LTK: variants seen among roughly 807,000 people sequenced by gnomAD.
The protein encoded by LTK is leukocyte tyrosine kinase receptor.
In LTK, 117 loss-of-function variants were observed where a neutral mutation model predicts 101.5. That is an observed-to-expected ratio of 1.15 (90% confidence interval 0.99 to 1.34). The LOEUF (loss-of-function observed/expected upper bound fraction) is 1.34, where lower values mean the gene tolerates loss of function less well. Ranked by LOEUF, LTK falls within the 40% of genes most tolerant of loss-of-function variation. LTK has a pLI of 0.00. For missense variants in LTK, 1,252 were observed against 1,164.7 expected (o/e 1.07, Z -1.09); for synonymous variants, 563 against 494.2 (o/e 1.14, Z -1.85).
intron 7 of LTK, among the ~76,000 whole-genome samples, chr15:41,509,977 A>G (rs998530307): frequency 2.0e-5 from 3 of 152,216 alleles, no homozygotes; most frequent in Non-Finnish European, 4.4e-5. Flanking sequence ...TTCTGTGGTA[A>G]GAACACCTAT....
intron 7 of LTK, among the ~76,000 whole-genome samples, chr15:41,510,822 T>C (rs922915851): frequency 6.6e-6 from 1 of 152,196 alleles, no homozygotes; most frequent in African/African-American, 2.4e-5. Flanking sequence ...GACCACACTT[T>C]GAGAACCACT....
Position 41,508,296 on chromosome 15 carries a change from C to A in LTK, c.1097-75G>T, listed in dbSNP as rs2051350814. On this transcript the variant is annotated intron_variant, in intron 8 of 19. Coordinates refer to ENST00000263800, the MANE Select transcript of LTK (RefSeq NM_002344.6). ...GTAAATACATGCCTTTGGCTGGGTA[C>A]AGTGGCACACGCCTATAATCATTGC... is the stretch of plus-strand genomic sequence containing the variant. The A allele has an allele frequency of 3.1e-6, 4 of 1,298,930 alleles. No homozygotes were observed. In the Admixed American group the frequency reaches 6.0e-5, roughly 20 times the overall value. 80.5% of individuals were successfully genotyped at this position (1,298,930 alleles called of 1,614,324 possible).
chr15:41,505,800 TTC>T (rs1491299139), intron 12 of LTK, 23 bp from the exon 13 acceptor site: 1 of 1,612,882 alleles, frequency 6.2e-7, no homozygotes, highest in Non-Finnish European at 8.5e-7. Flanking sequence ...AGGGCACAGT[TTC>T]TGAGCTGCCC....
At chr15:41,506,996 C>T (rs2051306140) in intron 11 of LTK, 99 bp downstream of exon 11, 1 of 1,242,082 alleles carries the variant, frequency 8.1e-7, no homozygotes, top group Non-Finnish European at 1.1e-6. Flanking sequence ...GGGATGTGGG[C>T]CAGATTTTTT....
chr15:41,506,716 A>G (rs2051297547), intron 11 of LTK, among the ~76,000 whole-genome samples: 1 of 151,586 alleles, frequency 6.6e-6, no homozygotes, highest in South Asian at 2.1e-4. Context: ...TCAGCCTCCC[A>G]CGTAGCTGGG....
At chr15:41,512,637 C>G in intron 3 of LTK, 70 bp downstream of exon 3, 2 of 1,449,110 alleles carry the variant, frequency 1.4e-6, no homozygotes, top group South Asian at 2.8e-5. Context: ...CGCACGTGGA[C>G]TTCGTTACCC....
chr15:41,505,627 T>C (rs928343993), intron 13 of LTK, 86 bp downstream of exon 13: 1 of 1,603,992 alleles, frequency 6.2e-7, no homozygotes, highest in Non-Finnish European at 8.5e-7. Context: ...GTCCCCTGAC[T>C]TGCTACCTCA....
At position 41,511,310 on chromosome 15, in the gene LTK, G is replaced by A. The variant is rs1424711608; in HGVS notation, c.851C>T (p.Pro284Leu). 1.5e-6 allele frequency: 2 copies of A among 1,367,584 alleles called. No individual in the cohort carries two copies. Among genetic ancestry groups the A allele is most frequent in the Non-Finnish European group, 1.9e-6 (2 of 1,068,520 alleles). 84.7% of individuals were successfully genotyped at this position (1,367,584 alleles called of 1,614,324 possible). The part of the protein sequence containing the change: ...GGGWTSRAPS[P>L]QAGRSLQEGA... ...CTCCTGCAGTGAGCGGCCGGCCTGC[G>A]GAGAGGGAGCCCGCGACGTCCAGCC... The change falls in exon 7 of 20, where the codon CCG becomes CTG. Residue 284 changes from proline (P) to leucine (L), a missense_variant. Transcript: ENST00000263800. This position sits in a 1 kb window ranked among gnomAD's most constrained non-coding sequence, Gnocchi z 5.9.
intron 15 of LTK, 61 bp downstream of exon 15, chr15:41,505,147 A>AGG: frequency 6.3e-7 from 1 of 1,585,512 alleles, no homozygotes; most frequent in Non-Finnish European, 8.6e-7. Flanking sequence ...GCTGTGTGGA[A>AGG]GGGCTGTTCC....
At chr15:41,508,743 A>G (rs1206714877) in intron 8 of LTK, among the ~76,000 whole-genome samples, 5 of 152,184 alleles carry the variant, frequency 3.3e-5, no homozygotes, top group Non-Finnish European at 7.4e-5. Context: ...AAGCGAATTC[A>G]TAGCAAGGGG....
rs76282169 is a variant in LTK, at chr15:41,504,401, C to T, written c.2287G>A (p.Glu763Lys). The T allele has an allele frequency of 6.8e-4, 1,098 of 1,614,142 alleles. 11 individuals are homozygous for T. The East Asian group carries it at 0.021, about 31-fold the overall frequency. ...GCAAAGCTAGGGCGGAGCTCAGGCT[C>T]GTGCTGCCAACACTGGGTCATGATG... ...YRIMTQCWQHEPELRPSFASI... is the reference protein window; with the variant it reads ...YRIMTQCWQHKPELRPSFASI... Residue 763 changes from glutamate (E) to lysine (K), a missense_variant, in exon 19 of 20, where the codon GAG (glutamate) becomes AAG (lysine). Glu to Lys is a moderately conservative substitution (Grantham distance 56, BLOSUM62 1). Transcript: ENST00000263800.
Position 41,512,116 on chromosome 15 carries a change from C to G in LTK, c.509G>C (p.Gly170Ala), listed in dbSNP as rs761993935. The G allele has an allele frequency of 6.2e-6, 10 of 1,606,070 alleles. No individual in the cohort carries two copies. In the African/African-American group the frequency reaches 1.3e-4, roughly 22 times the overall value. ...CCCATCCCCACTGGCTGCGCTCACTCCGGGACAGGCGTCCTCTCCCTGCTG... is the reference window on the plus strand; with the variant it reads ...CCCATCCCCACTGGCTGCGCTCACTGCGGGACAGGCGTCCTCTCCCTGCTG... ...VGQQGEDACP[G>A]GSPESQLVCL... Residue 170 changes from glycine (G) to alanine (A), a missense_variant and splice_region_variant, in exon 4 of 20, where the codon GGA (glycine) becomes GCA (alanine). Physicochemically the swap from Gly to Ala is moderately conservative, Grantham distance 60. Transcript: ENST00000263800.
In LTK at chr15:41,503,750, G is replaced by C; in HGVS notation, c.*246C>G. 3.1e-6 allele frequency: 2 copies of C among 642,856 alleles called. No individual in the cohort carries two copies. Among genetic ancestry groups the C allele is most frequent in the Non-Finnish European group, 5.7e-6 (2 of 350,614 alleles). The allele number at this position is 642,856 out of a possible 1,614,324, so 39.8% of individuals were successfully genotyped here. On this transcript the variant is annotated 3_prime_UTR_variant, in exon 20 of 20. Transcript: ENST00000263800. ...AGTGCTCCCCATGGACACCTGGGGT[G>C]TGTGTAAGGCGGCCTCTGGCCCCAA...
chr15:41,503,742 C>G lies in LTK; in HGVS notation c.*254G>C, dbSNP rs1166662289. The G allele has an allele frequency of 1.2e-5, 8 of 645,730 alleles. No individual in the cohort carries two copies. The highest frequency in any genetic ancestry group is 2.3e-5 in the Non-Finnish European group (8 of 351,170). 40.0% of individuals were successfully genotyped at this position (645,730 alleles called of 1,614,324 possible). ...AGCAATCCAGTGCTCCCCATGGACA[C>G]CTGGGGTGTGTGTAAGGCGGCCTCT... On this transcript the variant is annotated 3_prime_UTR_variant, in exon 20 of 20. Transcript: ENST00000263800.
rs1188492839 is a variant in LTK, at chr15:41,511,907, G to A, written c.567C>T (p.His189=). 11 of 1,471,034 alleles carry A rather than the reference G, an allele frequency of 7.5e-6. No individual in the cohort carries two copies. In the Admixed American group the frequency reaches 1.7e-4, roughly 22 times the overall value. The allele number at this position is 1,471,034 out of a possible 1,614,324, so 91.1% of individuals were successfully genotyped here. A position where few individuals can be genotyped will look rare whatever the true frequency, so the allele number is the denominator to read the frequency against. The change falls in exon 5 of 20, where the codon CAC becomes CAT. Residue 189 remains histidine (H), a synonymous_variant. Transcript: ENST00000263800. This position sits in a 1 kb window ranked among gnomAD's most constrained non-coding sequence, Gnocchi z 5.9. ...CCCCTTCGCTCCCATCCATCGCCGC[G>A]TGCTCTTCAACGGCTCGAGACTCCC... ...CLGESRAVEE[H]AAMDGSEGVP...
chr15:41,511,232 G>C lies in LTK; in HGVS notation c.929C>G (p.Ala310Gly), dbSNP rs2051447922. 1 of 1,407,564 alleles carries C rather than the reference G, an allele frequency of 7.1e-7. No individual in the cohort carries two copies. Among genetic ancestry groups the C allele is most frequent in the Admixed American group, 2.9e-5 (1 of 34,110 alleles). 87.2% of individuals were successfully genotyped at this position (1,407,564 alleles called of 1,614,324 possible). Reference sequence around the variant, plus strand: ...GCCGCCCCCGAAGCCGCCGGCCGCGGCCCAGCCAAGGGTCGCCCAAGCCTC... The same window carrying C: ...GCCGCCCCCGAAGCCGCCGGCCGCGCCCCAGCCAAGGGTCGCCCAAGCCTC... ...CSEAWATLGW[A>G]AAGGFGGGGG... Residue 310 changes from alanine to glycine, a missense_variant, in exon 7 of 20, where the codon GCC (alanine) becomes GGC (glycine). Transcript: ENST00000263800. This position sits in a 1 kb window ranked among gnomAD's most constrained non-coding sequence, Gnocchi z 5.9.
chr15:41,511,427 G>A lies in LTK; in HGVS notation c.809C>T (p.Ala270Val). ...EAPGSGGRGG[A>V]AGGGGGWTSR... ...CCCGCGGCCCGCGCCCTCACCTGCC[G>A]CCCCGCCTCTCCCGCCGCTCCCGGG... Residue 270 changes from alanine (A) to valine (V), a missense_variant, in exon 6 of 20, where the codon GCG becomes GTG. Physicochemically the swap from Ala to Val is moderately conservative, Grantham distance 64. Transcript: ENST00000263800. This position sits in a 1 kb window ranked among gnomAD's most constrained non-coding sequence, Gnocchi z 5.9. The A allele has an allele frequency of 1.4e-6, 2 of 1,384,376 alleles. No individual in the cohort carries two copies. Among genetic ancestry groups the A allele is most frequent in the South Asian group, 1.6e-5 (1 of 60,638 alleles). 85.8% of individuals were successfully genotyped at this position (1,384,376 alleles called of 1,614,324 possible).
Position 41,505,283 on chromosome 15 carries a change from A to G in LTK, c.1850T>C (p.Met617Thr), listed in dbSNP as rs1309558819. The G allele has an allele frequency of 6.2e-7, 1 of 1,613,888 alleles. No homozygotes were observed. Among genetic ancestry groups the G allele is most frequent in the Admixed American group, 1.7e-5 (1 of 59,984 alleles). ...PHLGQPSPLVMRDLLQLAQDI... is the reference protein window; with the variant it reads ...PHLGQPSPLVTRDLLQLAQDI... ...CTGGGCCAGTTGCAGCAGGTCCCGCATGACCAGAGGTGATGGCTGGCCCTG... is the reference window on the plus strand; with the variant it reads ...CTGGGCCAGTTGCAGCAGGTCCCGCGTGACCAGAGGTGATGGCTGGCCCTG... Residue 617 changes from methionine to threonine, a missense_variant, in exon 15 of 20, where the codon ATG becomes ACG. Coordinates refer to ENST00000263800, the MANE Select transcript of LTK (RefSeq NM_002344.6).
rs1349664767 is a variant in LTK at position 41,507,640 on chromosome 15, C to T, written c.1267G>A (p.Gly423Ser). The T allele has an allele frequency of 6.2e-7, 1 of 1,613,676 alleles. No homozygotes were observed. The highest frequency in any genetic ancestry group is 1.7e-5 in the Admixed American group (1 of 59,982). ...ACAGCCACCATCAGAACCAGAGGGC[C>T]TGGGGGCTTGTGCAGGTCTAGGGAG... ...VTCMDLHKPP[G>S]PLVLMVAVVA... Residue 423 changes from glycine (G) to serine (S), a missense_variant, in exon 10 of 20, where the codon GGC becomes AGC. Physicochemically the swap from Gly to Ser is moderately conservative, Grantham distance 56. Coordinates refer to ENST00000263800, the MANE Select transcript of LTK (RefSeq NM_002344.6).
Sources: allele counts gnomAD v4.1 joint callset (sites outside exome capture counted in the v4.1 genomes callset), GRCh38; gene constraint gnomAD v4.1.1; non-coding constraint Gnocchi (gnomAD v3.1); transcripts MANE v1.5; gene names NCBI Gene and HGNC (gene_info 2026-07-23, HGNC 2026-07-21).